The following DLG2 variants were observed in gnomAD, a reference collection of about 807,000 sequenced individuals.
DLG2 encodes disks large homolog 2.
DLG2 carries 45 observed loss-of-function variants against 132.5 expected under a neutral mutation model. That is an observed-to-expected ratio of 0.34 (90% CI 0.27 to 0.44). DLG2 has a LOEUF of 0.44. Among genes scored for constraint, DLG2 ranks in the 20% least tolerant of loss-of-function variants. The pLI, the probability that DLG2 is intolerant of heterozygous loss-of-function variation, is 1.00. For missense variants in DLG2, 1,045 were observed against 1,196.9 expected (o/e 0.87, Z 1.87); for synonymous variants, 424 against 419.6 (o/e 1.01, Z -0.13).
intron 15 of DLG2, among the ~76,000 whole-genome samples, chr11:83,882,848 T>G (rs2066665432): frequency 6.6e-6 from 1 of 152,180 alleles, no homozygotes; most frequent in South Asian, 2.1e-4. Context: ...CTTTAAAGAA[T>G]AGCATGGGAG....
intron 3 of DLG2, among the ~76,000 whole-genome samples, chr11:85,557,620 G>C (rs1181102798): frequency 6.6e-6 from 1 of 151,704 alleles, no homozygotes; most frequent in African/African-American, 2.4e-5. Context: ...TAGGCCACTG[G>C]AACAGAATAA....
At chr11:84,209,566 TTC>T (rs559935792) in intron 8 of DLG2, among the ~76,000 whole-genome samples, 2 of 152,196 alleles carry the variant, frequency 1.3e-5, no homozygotes, top group South Asian at 4.1e-4. Context: ...CATAAAGAAA[TTC>T]TCTTTCCTAT....
chr11:85,013,286 G>C (rs2059305898), intron 6 of DLG2, among the ~76,000 whole-genome samples: 1 of 152,148 alleles, frequency 6.6e-6, no homozygotes, highest in African/African-American at 2.4e-5. Context: ...CTCAAAAGGA[G>C]ATGTAGCTTC....
intron 3 of DLG2, among the ~76,000 whole-genome samples, chr11:85,353,595 C>G (rs2083462602): frequency 6.6e-6 from 1 of 152,142 alleles, no homozygotes; most frequent in South Asian, 2.1e-4. Context: ...ACCCAAATGT[C>G]CAGCAATGAT....
At chr11:83,891,816 T>G (rs2069964196) in intron 15 of DLG2, among the ~76,000 whole-genome samples, 1 of 152,184 alleles carries the variant, frequency 6.6e-6, no homozygotes, top group Non-Finnish European at 1.5e-5. Context: ...TCCTTATTGA[T>G]TTTTCATGCA....
chr11:83,831,946 GA>G (rs2054655303), intron 17 of DLG2, among the ~76,000 whole-genome samples: 1 of 152,092 alleles, frequency 6.6e-6, no homozygotes, highest in Non-Finnish European at 1.5e-5. Flanking sequence ...AAGGAAGGGG[GA>G]AAGTGGCAAT....
chr11:84,004,947 CAAA>C (rs56323323), intron 11 of DLG2, among the ~76,000 whole-genome samples: 1 of 138,082 alleles, frequency 7.2e-6, no homozygotes, highest in African/African-American at 2.7e-5. Flanking sequence ...TATATAGAAT[CAAA>C]AAAAAAAAAG....
chr11:83,505,776 G>A (rs113544117), intron 21 of DLG2, among the ~76,000 whole-genome samples: 2 of 152,296 alleles, frequency 1.3e-5, no homozygotes, highest in African/African-American at 4.8e-5. Flanking sequence ...TCCCTTCATG[G>A]CTGTCCTTCA....
chr11:84,198,849 C>T (rs998424959), intron 8 of DLG2, among the ~76,000 whole-genome samples: 5 of 152,068 alleles, frequency 3.3e-5, no homozygotes, highest in African/African-American at 1.2e-4. Context: ...AAAAGACATA[C>T]ATTTTGTAGG....
intron 6 of DLG2, among the ~76,000 whole-genome samples, chr11:84,619,001 G>T (rs536752216): frequency 4.6e-5 from 7 of 151,848 alleles, no homozygotes; most frequent in Non-Finnish European, 8.8e-5. Context: ...TTTAGTAAAG[G>T]TATAGAAAAT....
At chr11:83,552,414 A>G (rs996434335) in intron 19 of DLG2, among the ~76,000 whole-genome samples, 3 of 152,140 alleles carry the variant, frequency 2.0e-5, no homozygotes, top group African/African-American at 7.2e-5. Context: ...ATACAGTTAC[A>G]GTTGAGTCTC....
At chr11:84,387,788 G>A (rs1384868112) in intron 7 of DLG2, among the ~76,000 whole-genome samples, 3 of 152,106 alleles carry the variant, frequency 2.0e-5, no homozygotes, top group African/African-American at 7.2e-5. Context: ...AGAAGACCAC[G>A]GGATATGGAT....
intron 21 of DLG2, among the ~76,000 whole-genome samples, chr11:83,528,836 T>C (rs556252483): frequency 1.1e-4 from 17 of 152,324 alleles, no homozygotes; most frequent in African/African-American, 4.1e-4. Flanking sequence ...TTTCTCTTTT[T>C]GAGCCTGCCT....
At chr11:84,059,941 G>C (rs1397796281) in intron 10 of DLG2, among the ~76,000 whole-genome samples, 2 of 152,074 alleles carry the variant, frequency 1.3e-5, no homozygotes, top group Non-Finnish European at 2.9e-5. Context: ...AGTTATAAAA[G>C]TAATAAGTAA....
chr11:83,758,337 C>T (rs554419768), intron 18 of DLG2, among the ~76,000 whole-genome samples: 1 of 152,250 alleles, frequency 6.6e-6, no homozygotes, highest in African/African-American at 2.4e-5. Context: ...GCACCCCTCT[C>T]CACCCACTCC....
intron 6 of DLG2, among the ~76,000 whole-genome samples, chr11:84,725,399 C>A (rs2062317857): frequency 6.6e-6 from 1 of 152,048 alleles, no homozygotes; most frequent in African/African-American, 2.4e-5. Flanking sequence ...AATCCCTTTC[C>A]CTCTCCTCTC....
chr11:84,373,707 A>G (rs1400162587), intron 7 of DLG2, among the ~76,000 whole-genome samples: 3 of 152,202 alleles, frequency 2.0e-5, no homozygotes, highest in Non-Finnish European at 4.4e-5. Context: ...CATTGTTGAA[A>G]CATCAAAGAT....
intron 8 of DLG2, among the ~76,000 whole-genome samples, chr11:84,231,188 G>A (rs1436097073): frequency 6.6e-6 from 1 of 152,130 alleles, no homozygotes; most frequent in Non-Finnish European, 1.5e-5. Flanking sequence ...GTAATATAAT[G>A]GTTGGCGCTA....
intron 8 of DLG2, among the ~76,000 whole-genome samples, chr11:84,244,495 G>A (rs1348820626): frequency 6.6e-6 from 1 of 152,176 alleles, no homozygotes; most frequent in African/African-American, 2.4e-5. Flanking sequence ...ATAAAGCAAA[G>A]CAACAAGCAG....
Sources: gnomAD v4.1 joint callset for allele counts (sites outside exome capture counted in the v4.1 genomes callset) on GRCh38, gnomAD v4.1.1 for gene constraint, MANE v1.5 for transcripts, NCBI Gene and HGNC (gene_info 2026-07-23, HGNC 2026-07-21) for gene names.